Variants in SSPN observed in about 807,000 individuals in gnomAD.
SSPN encodes the protein sarcospan.
SSPN carries 15 observed loss-of-function variants against 19.1 expected under a neutral mutation model. The ratio of observed to expected loss-of-function variants is 0.78; its 90% confidence interval spans 0.52 to 1.21. SSPN has a LOEUF of 1.21. SSPN is among the 50% of genes most tolerant of loss of function. SSPN has a pLI of 0.00. For missense variants in SSPN, 291 were observed against 314.0 expected, an observed-to-expected ratio of 0.93 and a Z score of 0.55; for synonymous variants, 147 against 140.3, an observed-to-expected ratio of 1.05 and a Z score of -0.34.
chr12:26,195,522 T>G, upstream of SSPN: 1 of 1,249,980 alleles, frequency 8.0e-7, no homozygotes, highest in Non-Finnish European at 1.0e-6. Context: ...CCGTGGCCTT[T>G]GGAGGCTCGG....
intron 1 of SSPN, among the ~76,000 whole-genome samples, chr12:26,149,823 C>T (rs1324825524): frequency 6.6e-6 from 1 of 152,230 alleles, no homozygotes; most frequent in East Asian, 1.9e-4. Flanking sequence ...CACACATGTG[C>T]ATACACACAT....
At chr12:26,192,909 T>C (rs879656471), upstream of SSPN, among the ~76,000 whole-genome samples, 29 of 152,214 alleles carry the variant, frequency 1.9e-4, no homozygotes, top group Non-Finnish European at 3.5e-4. Context: ...TACTATCTTG[T>C]TTGACTATTT....
chr12:26,200,145 C>G (rs1259549657), intron 1 of SSPN, among the ~76,000 whole-genome samples: 1 of 152,170 alleles, frequency 6.6e-6, no homozygotes, highest in East Asian at 1.9e-4. Context: ...TAGCTTCCCC[C>G]ACTCTCCCTC....
At chr12:26,142,000 A>C (rs1340074861) in intron 1 of SSPN, among the ~76,000 whole-genome samples, 1 of 152,196 alleles carries the variant, frequency 6.6e-6, no homozygotes, top group South Asian at 2.1e-4. Context: ...CTTGAAGAGA[A>C]AGTAGGAAAG....
At chr12:26,222,742 C>A (rs1057112783) in intron 1 of SSPN, among the ~76,000 whole-genome samples, 1 of 152,162 alleles carries the variant, frequency 6.6e-6, no homozygotes, top group Non-Finnish European at 1.5e-5. Flanking sequence ...AAGTCTAGTT[C>A]ATGAAAAATA....
intron 1 of SSPN, chr12:26,122,518 CG>C: frequency 7.8e-7 from 1 of 1,289,168 alleles, no homozygotes; most frequent in Non-Finnish European, 9.9e-7. Context: ...GGCGCGCCTC[CG>C]CCTCCGCCGA....
chr12:26,199,747 C>T (rs1028877762), intron 1 of SSPN, among the ~76,000 whole-genome samples: 10 of 152,208 alleles, frequency 6.6e-5, no homozygotes, highest in African/African-American at 2.4e-4. Context: ...TAAAGCATTG[C>T]ATGCTTAACG....
At chr12:26,127,453 C>G (rs978655152) in intron 1 of SSPN, among the ~76,000 whole-genome samples, 6 of 152,210 alleles carry the variant, frequency 3.9e-5, no homozygotes, top group African/African-American at 1.2e-4. Context: ...CTCTCTCCCC[C>G]CATCCTTTCT....
rs557503884 is a variant in SSPN, at chr12:26,142,901, A to G, written c.-31+20749A>G. ...TACATGCAATTTAGTGAGATTTCCAATGTCACCTCTTCCAGGTCCTCTCAA... is the reference window on the plus strand; with the variant it reads ...TACATGCAATTTAGTGAGATTTCCAGTGTCACCTCTTCCAGGTCCTCTCAA... On this transcript the variant is annotated intron_variant, in intron 1 of 2. Coordinates refer to the SSPN transcript ENST00000538142. 2.0e-5 allele frequency among the ~76,000 whole-genome samples: 3 copies of G among 152,326 alleles called. No individual in the cohort carries two copies. In the South Asian group the frequency reaches 6.2e-4, roughly 32 times the overall value.
At chr12:26,124,272 C>A in intron 1 of SSPN, 2 of 731,582 alleles carry the variant, frequency 2.7e-6, no homozygotes, top group Non-Finnish European at 4.6e-6. Context: ...GCCCCCCCAC[C>A]ATAAAACATA....
intron 1 of SSPN, among the ~76,000 whole-genome samples, chr12:26,186,284 G>A (rs12316258): frequency 0.28 from 42,847 of 151,770 alleles, 6,102 homozygotes; most frequent in East Asian, 0.35. Flanking sequence ...GTGCCTATAC[G>A]TATCTATTAA....
chr12:26,192,588 C>T (rs1041672609), upstream of SSPN, among the ~76,000 whole-genome samples: 18 of 152,184 alleles, frequency 1.2e-4, no homozygotes, highest in African/African-American at 2.4e-4. Context: ...ATGACATCCT[C>T]GTCACTATCA....
intron 1 of SSPN, chr12:26,124,207 G>A (rs753796704): frequency 6.9e-7 from 1 of 1,445,782 alleles, no homozygotes. Context: ...ATGGAAAAGA[G>A]AAAACAGTAA....
intron 1 of SSPN, among the ~76,000 whole-genome samples, chr12:26,140,721 T>A (rs978901184): frequency 6.6e-6 from 1 of 152,216 alleles, no homozygotes; most frequent in Admixed American, 6.5e-5. Flanking sequence ...CCTCTTCACC[T>A]TCCGTCATGA....
intron 1 of SSPN, among the ~76,000 whole-genome samples, chr12:26,130,268 T>C (rs971519965): frequency 6.6e-6 from 1 of 152,186 alleles, no homozygotes; most frequent in African/African-American, 2.4e-5. Flanking sequence ...AACATGTTTA[T>C]GCAATGTGAA....
intron 1 of SSPN, among the ~76,000 whole-genome samples, chr12:26,217,239 C>G (rs112477686): frequency 0.066 from 8,739 of 132,002 alleles, 332 homozygotes; most frequent in Middle Eastern, 0.1. Context: ...TTTGTATCCT[C>G]TTTTATTTCC....
chr12:26,198,388 A>T (rs1341994781), intron 1 of SSPN, among the ~76,000 whole-genome samples: 1 of 152,240 alleles, frequency 6.6e-6, no homozygotes, highest in Non-Finnish European at 1.5e-5. Context: ...CAAGTTACTT[A>T]ACTTCTCTAG....
rs776570246 is a variant in SSPN at position 26,234,659 on chromosome 12, A to G, written c.*3583A>G. The G allele has an allele frequency of 6.6e-6, 1 of 152,308 alleles. No homozygotes were observed. The highest frequency in any genetic ancestry group is 2.4e-5 in the African/African-American group (1 of 41,574). 9.4% of individuals were successfully genotyped at this position (152,308 alleles called of 1,614,324 possible). Reference sequence around the variant, plus strand: ...GGTGTTGTGGATTCATTTTTCTGGCATTGATCAAATAGCAAATACAAAATA... The same window carrying G: ...GGTGTTGTGGATTCATTTTTCTGGCGTTGATCAAATAGCAAATACAAAATA... On this transcript the variant is annotated 3_prime_UTR_variant, in exon 3 of 3. Coordinates refer to ENST00000242729, the MANE Select transcript of SSPN (RefSeq NM_005086.5).
At position 26,198,503 on chromosome 12, in the gene SSPN, G is replaced by A. The variant is rs576811349; in HGVS notation, c.279+2552G>A. The stretch of plus-strand genomic sequence containing the variant: ...ATACATGTAAAGCACTTAAAATAGT[G>A]CCAACGAATGGCATGATTCAATGAG... On this transcript the variant is annotated intron_variant, in intron 1 of 2. Transcript: ENST00000242729. 2.6e-5 allele frequency among the ~76,000 whole-genome samples: 4 copies of A among 152,250 alleles called. No homozygotes were observed. The East Asian group carries it at 5.8e-4, about 22-fold the overall frequency.
Sources: allele counts gnomAD v4.1 joint callset (sites outside exome capture counted in the v4.1 genomes callset), GRCh38; gene constraint gnomAD v4.1.1; transcripts MANE v1.5; gene names NCBI Gene and HGNC (gene_info 2026-07-23, HGNC 2026-07-21).